Variants in RGS5 observed in about 807,000 individuals in gnomAD.
The protein encoded by RGS5 is regulator of G protein signaling 5.
A neutral mutation model predicts 18.9 loss-of-function variants in RGS5; 20 were observed. The observed-to-expected ratio is 1.06, with a 90% CI of 0.74 to 1.54. The LOEUF (loss-of-function observed/expected upper bound fraction) is 1.54. Ranked by LOEUF, RGS5 falls within the 40% of genes most tolerant of loss-of-function variation. RGS5 has a pLI of 0.00. For synonymous variants in RGS5, 57 were observed against 76.2 expected, an observed-to-expected ratio of 0.75 and a Z score of 1.31; for missense variants, 201 against 211.8, an observed-to-expected ratio of 0.95 and a Z score of 0.32.
chr1:163,233,277 T>C lies in RGS5; in HGVS notation c.-280-64909A>G, dbSNP rs1055520201. ...TGTCTGGTCATTGATGACATTACTT[T>C]GACCACCTGATTAAAATGAGATCTA... On this transcript the variant is annotated intron_variant, in intron 2 of 5. Coordinates refer to the RGS5 transcript ENST00000618415. Among the ~76,000 whole-genome samples, 17 of 152,240 alleles carry C rather than the reference T, an allele frequency of 1.1e-4. 1 individual carries two copies. The highest frequency in any genetic ancestry group is 4.4e-5 in the Non-Finnish European group (3 of 68,040).
intron 2 of RGS5, among the ~76,000 whole-genome samples, chr1:163,239,925 C>T (rs946811539): frequency 6.6e-6 from 1 of 152,148 alleles, no homozygotes; most frequent in African/African-American, 2.4e-5. Context: ...ATTGAGATAA[C>T]TGGATTACTT....
At chr1:163,311,990 T>G (rs554064843) in intron 1 of RGS5, among the ~76,000 whole-genome samples, 31 of 152,328 alleles carry the variant, frequency 2.0e-4, no homozygotes, top group African/African-American at 7.2e-4. Flanking sequence ...CAAGATATGC[T>G]TATATATAAT....
intron 1 of RGS5, among the ~76,000 whole-genome samples, chr1:163,189,474 A>G (rs1232075965): frequency 6.6e-6 from 1 of 152,236 alleles, no homozygotes; most frequent in Non-Finnish European, 1.5e-5. Flanking sequence ...TAAAATTTTT[A>G]GAGGGTTATT....
chr1:163,194,249 T>A (rs537666366), intron 1 of RGS5, among the ~76,000 whole-genome samples: 2 of 152,308 alleles, frequency 1.3e-5, no homozygotes, highest in South Asian at 4.1e-4. Context: ...ATGGGGTTCT[T>A]AATTGAGTCC....
At chr1:163,150,702 C>T (rs12071195) in intron 4 of RGS5, among the ~76,000 whole-genome samples, 31,591 of 151,992 alleles carry the variant, frequency 0.21, 5,456 homozygotes, top group African/African-American at 0.48. Flanking sequence ...TTTTCATTTT[C>T]GTGGCTTTGA....
intron 2 of RGS5, among the ~76,000 whole-genome samples, chr1:163,225,951 G>T (rs1198536074): frequency 6.6e-6 from 1 of 151,108 alleles, no homozygotes; most frequent in Non-Finnish European, 1.5e-5. Context: ...ACAGAATTTG[G>T]CTCTTGTTGC....
Position 163,188,411 on chromosome 1 carries a change from T to A in RGS5, c.44+14381A>T, listed in dbSNP as rs539845244. Among the ~76,000 whole-genome samples, 11 of 152,202 alleles carry A rather than the reference T, an allele frequency of 7.2e-5. No individual in the cohort carries two copies. In the South Asian group the frequency reaches 2.1e-3, roughly 29 times the overall value. ...GCAGAACAACAGAACTACCTGTGAG[T>A]CCTCTGGTCACCCAAAAGATAGTCA... On this transcript the variant is annotated intron_variant, in intron 1 of 4. Transcript: ENST00000313961.
At chr1:163,158,061 GGT>G (rs1657659760) in intron 3 of RGS5, among the ~76,000 whole-genome samples, 1 of 152,056 alleles carries the variant, frequency 6.6e-6, no homozygotes, top group Non-Finnish European at 1.5e-5. Context: ...GCTAATGTTG[GGT>G]AATTTCTGAT....
At chr1:163,193,229 C>T (rs1372666676) in intron 1 of RGS5, among the ~76,000 whole-genome samples, 3 of 152,122 alleles carry the variant, frequency 2.0e-5, no homozygotes, top group Non-Finnish European at 4.4e-5. Context: ...TTTTGAGCAG[C>T]GCCTGGGGAA....
intron 1 of RGS5, chr1:163,212,196 T>C (rs1660121458): frequency 6.6e-6 from 1 of 152,218 alleles, no homozygotes; most frequent in Non-Finnish European, 1.5e-5. Context: ...ATTTCTAACA[T>C]GCTGGGGCTC....
chr1:163,148,780 A>C (rs948160847), intron 4 of RGS5, among the ~76,000 whole-genome samples: 5 of 152,200 alleles, frequency 3.3e-5, no homozygotes, highest in African/African-American at 1.2e-4. Flanking sequence ...TTGGCTGACT[A>C]TGAGTTTAAA....
intron 3 of RGS5, among the ~76,000 whole-genome samples, chr1:163,158,585 G>A (rs944288574): frequency 1.3e-5 from 2 of 152,124 alleles, no homozygotes; most frequent in Admixed American, 6.5e-5. Context: ...TGTAAAACCA[G>A]CAAGTTTTTA....
rs144761082 is a variant in RGS5 at position 163,209,029 on chromosome 1, A to G, written c.69+8497T>C. Among the ~76,000 whole-genome samples the G allele has an allele frequency of 4.7e-3, 717 of 152,356 alleles. 9 individuals are homozygous for G. The highest frequency in any genetic ancestry group is 0.015 in the African/African-American group (617 of 41,588). ...TGAAATATTCACAGAAAATTAGGAT[A>G]TAACAATTCAAAAAGAAAATTAGTT... is the stretch of plus-strand genomic sequence containing the variant. On this transcript the variant is annotated intron_variant, in intron 1 of 5. Coordinates refer to the RGS5 transcript ENST00000367903.
At chr1:163,274,971 C>T (rs115789554) in intron 2 of RGS5, among the ~76,000 whole-genome samples, 2,636 of 152,060 alleles carry the variant, frequency 0.017, 81 homozygotes, top group African/African-American at 0.06. Context: ...GAAGAGTTAG[C>T]GGGGCATGGT....
At chr1:163,189,901 T>C (rs1328413996) in intron 1 of RGS5, among the ~76,000 whole-genome samples, 2 of 152,202 alleles carry the variant, frequency 1.3e-5, no homozygotes, top group Middle Eastern at 3.4e-3. Context: ...TACAATGAAA[T>C]TGAGAGAACA....
At chr1:163,226,434 C>T (rs1022788875) in intron 2 of RGS5, among the ~76,000 whole-genome samples, 5 of 151,976 alleles carry the variant, frequency 3.3e-5, no homozygotes, top group Non-Finnish European at 5.9e-5. Context: ...AATGAGTGGC[C>T]CCATGGACCT....
At chr1:163,173,808 G>A (rs1474470436) in intron 1 of RGS5, among the ~76,000 whole-genome samples, 2 of 152,172 alleles carry the variant, frequency 1.3e-5, no homozygotes, top group Non-Finnish European at 2.9e-5. Flanking sequence ...TGGCACAGTG[G>A]CTCATGCCTG....
At chr1:163,241,776 A>G (rs559845847) in intron 2 of RGS5, among the ~76,000 whole-genome samples, 1 of 152,162 alleles carries the variant, frequency 6.6e-6, no homozygotes, top group Admixed American at 6.5e-5. Flanking sequence ...GTATAAAAAT[A>G]AGATAAAAAT....
At chr1:163,208,457 G>A (rs1421598939) in intron 1 of RGS5, among the ~76,000 whole-genome samples, 1 of 133,010 alleles carries the variant, frequency 7.5e-6, no homozygotes, top group African/African-American at 2.7e-5. Flanking sequence ...GTTCAAGGCT[G>A]CAGTGAGCTA....
Sources: allele counts gnomAD v4.1 joint callset (sites outside exome capture counted in the v4.1 genomes callset), GRCh38; gene constraint gnomAD v4.1.1; transcripts MANE v1.5; gene names NCBI Gene and HGNC (gene_info 2026-07-23, HGNC 2026-07-21).